The following CUL4A variants were observed in gnomAD, a reference collection of about 807,000 sequenced individuals.
CUL4A encodes the protein cullin-4A.
A neutral mutation model predicts 95.5 loss-of-function variants in CUL4A; 16 were observed. The observed-to-expected ratio is 0.17, with a 90% CI of 0.11 to 0.25. CUL4A has a LOEUF of 0.25. CUL4A is among the 10% of genes least tolerant of loss of function. The probability of loss-of-function intolerance (pLI) is 1.00; values close to 1 mark genes in which losing one functional copy is unlikely to be tolerated. For missense variants in CUL4A, 610 were observed against 937.0 expected, an observed-to-expected ratio of 0.65 and a Z score of 4.56; for synonymous variants, 380 against 353.1, an observed-to-expected ratio of 1.08 and a Z score of -0.85.
At chr13:113,226,955 T>C (rs1366899719) in intron 3 of CUL4A, among the ~76,000 whole-genome samples, 1 of 152,108 alleles carries the variant, frequency 6.6e-6, no homozygotes, top group Non-Finnish European at 1.5e-5. Flanking sequence ...CTTTGTGAAG[T>C]GGGGCCTTTT....
At chr13:113,226,193 A>G (rs1164183488) in intron 3 of CUL4A, among the ~76,000 whole-genome samples, 1 of 152,016 alleles carries the variant, frequency 6.6e-6, no homozygotes, top group African/African-American at 2.4e-5. Flanking sequence ...TGTGCATCCT[A>G]CTTAACTGAT....
At chr13:113,218,449 C>A (rs894844562) in intron 2 of CUL4A, among the ~76,000 whole-genome samples, 1 of 152,184 alleles carries the variant, frequency 6.6e-6, no homozygotes, top group African/African-American at 2.4e-5. Context: ...TGTTGTTCTC[C>A]TTCCTGATGG....
chr13:113,214,659 C>G (rs1387467165), intron 2 of CUL4A, among the ~76,000 whole-genome samples: 1 of 152,164 alleles, frequency 6.6e-6, no homozygotes, highest in African/African-American at 2.4e-5. Flanking sequence ...GGCTGACATG[C>G]AAGTTCTGAG....
Position 113,233,349 on chromosome 13 carries a change from G to T in CUL4A, c.675+10G>T, listed in dbSNP as rs766023713. ...GCTGTCTGACCTGCAGGTGAGTGCT[G>T]CCTGTGCGGAAGATACCTGGGTACC... On this transcript the variant is annotated intron_variant, in intron 6 of 19. Transcript: ENST00000375440. 86 of 1,610,970 alleles carry T rather than the reference G, an allele frequency of 5.3e-5. No homozygotes were observed. The highest frequency in any genetic ancestry group is 7.0e-5 in the Non-Finnish European group (83 of 1,179,146).
At chr13:113,232,960 C>T (rs1297687653) in intron 5 of CUL4A, among the ~76,000 whole-genome samples, 1 of 152,104 alleles carries the variant, frequency 6.6e-6, no homozygotes, top group African/African-American at 2.4e-5. Context: ...AGCAGCGTCT[C>T]CAGGAACGTG....
upstream of CUL4A, chr13:113,208,772 C>A (rs377176742): frequency 7.0e-6 from 10 of 1,428,384 alleles, no homozygotes; most frequent in South Asian, 1.3e-4. Flanking sequence ...GGAGGGAGAA[C>A]CTGGGGACCG....
At chr13:113,250,039 GCTAT>G (rs970800841) in intron 15 of CUL4A, among the ~76,000 whole-genome samples, 11 of 152,092 alleles carry the variant, frequency 7.2e-5, no homozygotes, top group African/African-American at 2.2e-4. Flanking sequence ...CATTCTGTGG[GCTAT>G]CTTTTTACTT....
intron 8 of CUL4A, among the ~76,000 whole-genome samples, chr13:113,236,593 C>T (rs541745746): frequency 2.6e-5 from 4 of 152,190 alleles, no homozygotes; most frequent in Admixed American, 2.0e-4. Context: ...TCCCTGGGCC[C>T]GCCCGTGGGC....
intron 18 of CUL4A, among the ~76,000 whole-genome samples, chr13:113,258,176 A>G (rs1483682599): frequency 6.6e-6 from 1 of 152,044 alleles, no homozygotes; most frequent in African/African-American, 2.4e-5. Context: ...TTTTTTGTAG[A>G]GATGAGGCCT....
At chr13:113,231,668 A>G (rs1340973731) in intron 5 of CUL4A, among the ~76,000 whole-genome samples, 1 of 152,210 alleles carries the variant, frequency 6.6e-6, no homozygotes, top group Non-Finnish European at 1.5e-5. Context: ...GGAAAGGCAC[A>G]GAGACATTAA....
At chr13:113,233,030 T>C (rs1042722984) in intron 5 of CUL4A, 147 bp from the exon 6 acceptor site, 1 of 834,288 alleles carries the variant, frequency 1.2e-6, no homozygotes, top group African/African-American at 1.7e-5. Flanking sequence ...GAAACAGAAG[T>C]TTTTAAAAGG....
At chr13:113,208,867 T>G (rs902531715), upstream of CUL4A, 1 of 1,402,388 alleles carries the variant, frequency 7.1e-7, no homozygotes, top group African/African-American at 1.5e-5. Flanking sequence ...GCGGCTCTGA[T>G]TGTGTGTTCG....
chr13:113,263,738 A>T lies in CUL4A; in HGVS notation c.*156A>T. ...TCCTGGGTCATCTTTCACAAGGCTCAAGACTTCAACCTGCAGATGTATCTT... is the reference window on the plus strand; with the variant it reads ...TCCTGGGTCATCTTTCACAAGGCTCTAGACTTCAACCTGCAGATGTATCTT... On this transcript the variant is annotated 3_prime_UTR_variant, in exon 20 of 20. Transcript: ENST00000375440. 1 of 472,812 alleles carries T rather than the reference A, an allele frequency of 2.1e-6. No individual in the cohort carries two copies. The highest frequency in any genetic ancestry group is 2.0e-5 in the African/African-American group (1 of 50,250). The allele number at this position is 472,812 out of a possible 1,614,324, so 29.3% of individuals were successfully genotyped here. A position where few individuals can be genotyped will look rare whatever the true frequency, so the allele number is the denominator to read the frequency against.
chr13:113,232,108 C>CCCACCACCATTACTGTCACCACTACCT (rs2041350150), intron 5 of CUL4A, among the ~76,000 whole-genome samples: 1 of 7,884 alleles, frequency 1.3e-4, no homozygotes, highest in African/African-American at 1.9e-4. Flanking sequence ...CACCACTACC[C>CCCACCACCATTACTGTCACCACTACCT]GCCCACCACC....
intron 19 of CUL4A, 26 bp from the exon 20 acceptor site, chr13:113,263,460 TA>T (rs2042342703): frequency 6.9e-7 from 1 of 1,447,972 alleles, no homozygotes; most frequent in African/African-American, 1.4e-5. Flanking sequence ...CCATTGTAAT[TA>T]GGGGGGTTTT....
chr13:113,241,792 C>G lies in CUL4A; in HGVS notation c.1036-1176C>G, dbSNP rs368008402. On this transcript the variant is annotated intron_variant, in intron 10 of 19. Transcript: ENST00000375440. ...CCTCCCAAAGTGCTGGGATTACAAG[C>G]GTGAGCCACTGCGCCCAGCCTTCTC... Among the ~76,000 whole-genome samples, 269 of 151,984 alleles carry G rather than the reference C, an allele frequency of 1.8e-3. 2 individuals are homozygous for G. The highest frequency in any genetic ancestry group is 7.1e-3 in the Admixed American group (109 of 15,270).
At chr13:113,248,358 A>G (rs1244815430) in intron 15 of CUL4A, among the ~76,000 whole-genome samples, 1 of 152,130 alleles carries the variant, frequency 6.6e-6, no homozygotes, top group African/African-American at 2.4e-5. Flanking sequence ...TTATATCATT[A>G]TGAACTCAGG....
At chr13:113,214,369 G>A (rs994886030) in intron 2 of CUL4A, among the ~76,000 whole-genome samples, 8 of 152,188 alleles carry the variant, frequency 5.3e-5, no homozygotes, top group African/African-American at 1.4e-4. Context: ...TGTGTCTTGT[G>A]TCTCTATGTT....
chr13:113,255,844 C>CT (rs1443079702), intron 18 of CUL4A, among the ~76,000 whole-genome samples: 1 of 152,208 alleles, frequency 6.6e-6, no homozygotes, highest in East Asian at 1.9e-4. Context: ...GTGATGATGA[C>CT]TAAAGCTGCT....
Sources: allele counts gnomAD v4.1 joint callset (sites outside exome capture counted in the v4.1 genomes callset), GRCh38; gene constraint gnomAD v4.1.1; transcripts MANE v1.5; gene names NCBI Gene and HGNC (gene_info 2026-07-23, HGNC 2026-07-21).